ABCC9: variants seen among roughly 807,000 people sequenced by gnomAD.
ABCC9 encodes the protein ATP binding cassette subfamily C member 9.
In ABCC9, 95 loss-of-function variants were observed where a neutral mutation model predicts 188.3. The ratio of observed to expected loss-of-function variants is 0.50; its 90% CI spans 0.43 to 0.60. The LOEUF (loss-of-function observed/expected upper bound fraction) is 0.60. Ranked by LOEUF, ABCC9 falls within the 20% of genes least tolerant of loss-of-function variation. The probability of loss-of-function intolerance (pLI) is 0.00; values close to 1 mark genes in which losing one functional copy is unlikely to be tolerated. For synonymous variants in ABCC9, 659 were observed against 652.7 expected (o/e 1.01, Z -0.15); for missense variants, 1,102 against 1,876.3 (o/e 0.59, Z 7.62).
intron 31 of ABCC9, among the ~76,000 whole-genome samples, chr12:21,818,522 A>ATG (rs1405778291): frequency 4.8e-5 from 6 of 126,312 alleles, no homozygotes; most frequent in African/African-American, 1.9e-4. Context: ...ATAGATATAT[A>ATG]TATATGTGTG....
intron 8 of ABCC9, among the ~76,000 whole-genome samples, chr12:21,911,714 C>T (rs1300708882): frequency 6.6e-6 from 1 of 151,966 alleles, no homozygotes; most frequent in East Asian, 1.9e-4. Context: ...GTCCCTTCCT[C>T]CTTTTTTGTG....
intron 30 of ABCC9, among the ~76,000 whole-genome samples, chr12:21,834,198 T>G (rs1943943547): frequency 1.3e-5 from 2 of 152,206 alleles, no homozygotes; most frequent in South Asian, 4.1e-4. Context: ...CAATTTCTTT[T>G]TAAAATGCTC....
intron 37 of ABCC9, 54 bp downstream of exon 37, chr12:21,809,796 CAT>C: frequency 1.0e-6 from 1 of 996,878 alleles, no homozygotes; most frequent in Non-Finnish European, 1.6e-6. Context: ...CGTAGATAGA[CAT>C]ATGTAGGATT....
chr12:21,852,653 G>C (rs1592071982), intron 22 of ABCC9, 148 bp from the exon 23 acceptor site: 1 of 930,004 alleles, frequency 1.1e-6, no homozygotes, highest in East Asian at 2.6e-5. Context: ...AAAACTACCT[G>C]TCAGGTACCA....
intron 15 of ABCC9, among the ~76,000 whole-genome samples, chr12:21,883,152 T>C (rs566228709): frequency 8.5e-4 from 129 of 152,330 alleles, no homozygotes; most frequent in Admixed American, 2.4e-3. Flanking sequence ...TTTTGGATAA[T>C]CTTTCTCTGA....
chr12:21,876,627 A>G (rs998151109), intron 16 of ABCC9, among the ~76,000 whole-genome samples: 9 of 152,358 alleles, frequency 5.9e-5, no homozygotes, highest in Admixed American at 1.3e-4. Context: ...AGTGGACTTA[A>G]TAGTTTTACC....
At chr12:21,830,941 A>G (rs554570259) in intron 30 of ABCC9, 1 of 152,074 alleles carries the variant, frequency 6.6e-6, no homozygotes, top group Non-Finnish European at 1.5e-5. Context: ...GGGTTATAGG[A>G]TTTACTGAAA....
At chr12:21,811,449 G>A (rs1942231554) in intron 36 of ABCC9, among the ~76,000 whole-genome samples, 1 of 152,176 alleles carries the variant, frequency 6.6e-6, no homozygotes, top group South Asian at 2.1e-4. Flanking sequence ...CTTGGTTTAA[G>A]TTACAGCTTC....
intron 4 of ABCC9, among the ~76,000 whole-genome samples, chr12:21,928,314 GGGAAGGAAGGAA>G (rs150948526): frequency 2.1e-5 from 2 of 94,028 alleles, no homozygotes; most frequent in African/African-American, 4.5e-5. Flanking sequence ...GAGGGTGGGA[GGGAAGGAAGGAA>G]GGAAGGAAGG....
At chr12:21,906,739 GA>G (rs1384101539) in intron 11 of ABCC9, among the ~76,000 whole-genome samples, 2 of 152,138 alleles carry the variant, frequency 1.3e-5, no homozygotes. Context: ...CTTCTTATTT[GA>G]AAATATGAGG....
intron 26 of ABCC9, 120 bp downstream of exon 26, chr12:21,845,483 T>C (rs1410005474): frequency 2.0e-5 from 15 of 766,692 alleles, no homozygotes; most frequent in Admixed American, 1.5e-4. Flanking sequence ...TATTAACTTA[T>C]TAAATTATCA....
chr12:21,923,396 T>TG (rs1197506898), intron 5 of ABCC9: 1 of 151,502 alleles, frequency 6.6e-6, no homozygotes, highest in African/African-American at 2.5e-5. Flanking sequence ...ATGTAACTGA[T>TG]GACATACTAA....
rs1174314931 is a variant in ABCC9 at position 21,841,347 on chromosome 12, C to CTTTTTTTTTT, written c.3473+957_3473+966dup. On this transcript the variant is annotated intron_variant, in intron 29 of 39. Coordinates refer to ENST00000261200, the MANE Select transcript of ABCC9 (RefSeq NM_020297.4). ...TCTTTGGGATTATGTTTCTGGTTTC[C>CTTTTTTTTTT]TTTTTTTTTTTTTTTTTTTTTTTTT... is the stretch of plus-strand genomic sequence containing the variant. Among the ~76,000 whole-genome samples the CTTTTTTTTTT allele has an allele frequency of 2.0e-4, 4 of 19,604 alleles. 1 individual carries two copies. The highest frequency in any genetic ancestry group is 1.3e-3 in the Admixed American group (2 of 1,526). 12.9% of individuals were successfully genotyped at this position (19,604 alleles called of 152,430 possible).
rs369578382 is a variant in ABCC9, at chr12:21,893,641, G to A, written c.1802+391C>T. On this transcript the variant is annotated intron_variant, in intron 14 of 39. Transcript: ENST00000261200. The stretch of plus-strand genomic sequence containing the variant: ...AAAGTTTACAGATAAACAGAGATGC[G>A]TGAACTTCAATGTTATTTATGTTAG... 1.6e-3 allele frequency among the ~76,000 whole-genome samples: 251 copies of A among 152,204 alleles called. 3 individuals are homozygous for A. The South Asian group carries it at 0.032, about 20-fold the overall frequency.
chr12:21,926,763 T>C (rs1437391095), intron 4 of ABCC9, among the ~76,000 whole-genome samples: 1 of 152,162 alleles, frequency 6.6e-6, no homozygotes, highest in Non-Finnish European at 1.5e-5. Flanking sequence ...GAGGGGCCAA[T>C]GTGTTCAAGG....
intron 18 of ABCC9, among the ~76,000 whole-genome samples, chr12:21,868,053 C>G (rs370534677): frequency 6.4e-4 from 97 of 152,312 alleles, no homozygotes; most frequent in Non-Finnish European, 1.1e-3. Flanking sequence ...CACTTGGATG[C>G]AAGATTGATG....
At chr12:21,839,462 C>G (rs1264560365) in intron 29 of ABCC9, among the ~76,000 whole-genome samples, 1 of 152,174 alleles carries the variant, frequency 6.6e-6, no homozygotes, top group East Asian at 1.9e-4. Context: ...TTCACAGTTT[C>G]TCTAAGGAAC....
chr12:21,874,359 A>G (rs1246873685), intron 17 of ABCC9, among the ~76,000 whole-genome samples: 1 of 152,132 alleles, frequency 6.6e-6, no homozygotes, highest in Non-Finnish European at 1.5e-5. Context: ...GAAAGATAAA[A>G]AGTGTTAGTG....
intron 24 of ABCC9, among the ~76,000 whole-genome samples, chr12:21,850,578 A>G (rs1405337526): frequency 1.3e-5 from 2 of 152,158 alleles, no homozygotes; most frequent in Non-Finnish European, 2.9e-5. Flanking sequence ...TGCTATCTCA[A>G]GTGATCACTT....
Sources: gnomAD v4.1 joint callset for allele counts (sites outside exome capture counted in the v4.1 genomes callset) on GRCh38, gnomAD v4.1.1 for gene constraint, MANE v1.5 for transcripts, NCBI Gene and HGNC (gene_info 2026-07-23, HGNC 2026-07-21) for gene names.